CABIN1: variants seen among roughly 807,000 people sequenced by gnomAD.
CABIN1 encodes calcineurin-binding protein cabin-1.
In CABIN1, 133 loss-of-function variants were observed where a neutral mutation model predicts 227.7. The observed-to-expected ratio is 0.58, with a 90% confidence interval of 0.51 to 0.67. The LOEUF (loss-of-function observed/expected upper bound fraction) is 0.67, where lower values mean the gene tolerates loss of function less well. Among genes scored for constraint, CABIN1 ranks in the 30% least tolerant of loss-of-function variants. CABIN1 has a pLI of 0.00. For missense variants in CABIN1, 2,408 were observed against 2,852.5 expected, an observed-to-expected ratio of 0.84 and a Z score of 3.55; for synonymous variants, 1,086 against 1,155.1, an observed-to-expected ratio of 0.94 and a Z score of 1.21.
chr22:24,077,491 C>T (rs1025886879), intron 19 of CABIN1, among the ~76,000 whole-genome samples: 2 of 152,218 alleles, frequency 1.3e-5, no homozygotes, highest in African/African-American at 2.4e-5. Context: ...GCCCAGGTCC[C>T]TGTTGCTGGT....
At chr22:24,155,995 C>T in intron 29 of CABIN1, 1 of 567,882 alleles carries the variant, frequency 1.8e-6, no homozygotes, top group Non-Finnish European at 3.1e-6. Context: ...CCGCCGCGAG[C>T]GAGAGAGCGA....
chr22:24,124,134 G>A (rs369776330), intron 28 of CABIN1, among the ~76,000 whole-genome samples: 9 of 152,248 alleles, frequency 5.9e-5, no homozygotes, highest in Non-Finnish European at 1.0e-4. Context: ...TCCTCGCTCC[G>A]CATGGGAACT....
At position 24,123,213 on chromosome 22, in the gene CABIN1, C is replaced by G. The variant is rs548538824; in HGVS notation, c.4632+3515C>G. The stretch of plus-strand genomic sequence containing the variant: ...TTGATGTCAGTATCCCCAGACAACC[C>G]CCAGTAGCCATTAGCCTCAGTTTCT... On this transcript the variant is annotated intron_variant, in intron 28 of 36. Coordinates refer to ENST00000263119, the MANE Select transcript of CABIN1 (RefSeq NM_012295.4). Among the ~76,000 whole-genome samples the G allele has an allele frequency of 2.6e-5, 4 of 152,262 alleles. No individual in the cohort carries two copies. The South Asian group carries it at 6.2e-4, about 24-fold the overall frequency.
Position 24,113,710 on chromosome 22 carries a change from C to G in CABIN1, c.4262C>G (p.Ala1421Gly). 3 of 1,613,938 alleles carry G rather than the reference C, an allele frequency of 1.9e-6. No individual in the cohort carries two copies. The highest frequency in any genetic ancestry group is 2.5e-6 in the Non-Finnish European group (3 of 1,180,036). Residue 1421 changes from alanine (A) to glycine (G), a missense_variant, in exon 27 of 37, where the codon GCG (alanine) becomes GGG (glycine). Ala to Gly is a moderately conservative substitution (Grantham distance 60). Around this residue, in one of 3 missense-constraint regions of CABIN1, gnomAD observed 649 missense variants for 910.3 expected, o/e 0.71. Coordinates refer to ENST00000263119, the MANE Select transcript of CABIN1 (RefSeq NM_012295.4). ...RLPILSSQAGATGKDLQGATE... is the reference protein window; with the variant it reads ...RLPILSSQAGGTGKDLQGATE... Reference sequence around the variant, plus strand: ...CCCATTCTCAGTTCCCAAGCAGGAGCGACGGGTAAAGATCTTCAGGGGGCC... The same window carrying G: ...CCCATTCTCAGTTCCCAAGCAGGAGGGACGGGTAAAGATCTTCAGGGGGCC...
intron 30 of CABIN1, 100 bp downstream of exon 30, chr22:24,164,663 C>A: frequency 7.3e-7 from 1 of 1,362,426 alleles, no homozygotes; most frequent in Non-Finnish European, 1.0e-6. Flanking sequence ...GCTGTGAGGA[C>A]CACTGGCTGG....
chr22:24,168,326 G>A (rs996957922), intron 32 of CABIN1, 121 bp from the exon 33 acceptor site: 121 of 921,586 alleles, frequency 1.3e-4, no homozygotes, highest in Non-Finnish European at 1.1e-4. Flanking sequence ...GTGTTGGGGG[G>A]CACCCGAGCC....
intron 8 of CABIN1, 124 bp from the exon 9 acceptor site, chr22:24,054,749 C>A: frequency 8.4e-7 from 1 of 1,185,574 alleles, no homozygotes; most frequent in South Asian, 1.2e-5. Flanking sequence ...CCTCCCCCAC[C>A]CCCATGGACA....
At position 24,040,732 on chromosome 22, in the gene CABIN1, G is replaced by A. The variant is rs563687423; in HGVS notation, c.211-407G>A. 6.6e-5 allele frequency among the ~76,000 whole-genome samples: 10 copies of A among 152,326 alleles called. No individual in the cohort carries two copies. The South Asian group carries it at 2.1e-3, about 32-fold the overall frequency. On this transcript the variant is annotated intron_variant, in intron 4 of 36. Transcript: ENST00000263119. ...CAGTCTCTTGATTCCTAATCCTGGA[G>A]TGCCTGCAGTGAAGCTCTAGGCCTT...
At chr22:24,120,743 G>A (rs1167355251) in intron 28 of CABIN1, among the ~76,000 whole-genome samples, 2 of 152,204 alleles carry the variant, frequency 1.3e-5, no homozygotes, top group Non-Finnish European at 2.9e-5. Flanking sequence ...AACCCGGGAG[G>A]CAGAGGTTGC....
intron 1 of CABIN1, among the ~76,000 whole-genome samples, chr22:24,014,348 T>G (rs959573374): frequency 2.6e-5 from 4 of 152,228 alleles, no homozygotes; most frequent in African/African-American, 9.6e-5. Flanking sequence ...TTTTGTTGCT[T>G]ACTGTTCCAG....
intron 19 of CABIN1, among the ~76,000 whole-genome samples, chr22:24,081,926 C>T (rs140081342): frequency 0.012 from 1,866 of 152,172 alleles, 35 homozygotes; most frequent in African/African-American, 0.043. Context: ...ACTTGGGAGG[C>T]TGAGACAGGA....
At chr22:24,155,186 C>G (rs1332012646) in intron 29 of CABIN1, among the ~76,000 whole-genome samples, 1 of 152,112 alleles carries the variant, frequency 6.6e-6, no homozygotes, top group African/African-American at 2.4e-5. Context: ...CATGGGAAAT[C>G]AGGAAGATGC....
At chr22:24,050,797 A>G (rs1353861839) in intron 7 of CABIN1, 28 bp from the exon 8 acceptor site, 5 of 1,614,010 alleles carry the variant, frequency 3.1e-6, no homozygotes, top group Non-Finnish European at 4.2e-6. Flanking sequence ...GTAACATGAT[A>G]ATTTCTCCCT....
intron 31 of CABIN1, among the ~76,000 whole-genome samples, chr22:24,166,390 C>G (rs2046448308): frequency 6.6e-6 from 1 of 152,212 alleles, no homozygotes; most frequent in African/African-American, 2.4e-5. Context: ...TCCCGTCAGC[C>G]CCTTGCTACC....
chr22:24,068,969 A>C (rs1401363768), intron 16 of CABIN1, among the ~76,000 whole-genome samples: 1 of 152,254 alleles, frequency 6.6e-6, no homozygotes, highest in Non-Finnish European at 1.5e-5. Flanking sequence ...GGGGGCAGAC[A>C]AGAGACCCAT....
At chr22:24,173,602 G>A (rs1382583000) in intron 34 of CABIN1, among the ~76,000 whole-genome samples, 4 of 152,212 alleles carry the variant, frequency 2.6e-5, no homozygotes, top group African/African-American at 4.8e-5. Flanking sequence ...GTGGGAGGCC[G>A]AGGTGGGCGG....
At position 24,028,383 on chromosome 22, in the gene CABIN1, C is replaced by T. The variant is rs117139356; in HGVS notation, c.-74-7061C>T. On this transcript the variant is annotated intron_variant, in intron 1 of 36. Transcript: ENST00000263119. ...CAGCTGAGATGAGAATGCTCCTCCT[C>T]GTATGGGAGTGCTACAGTCCATGGT... 2.6e-3 allele frequency among the ~76,000 whole-genome samples: 394 copies of T among 152,304 alleles called. 6 individuals carry two copies. The South Asian group carries it at 0.036, about 14-fold the overall frequency.
chr22:24,077,111 T>C (rs1372433209), intron 19 of CABIN1, among the ~76,000 whole-genome samples: 1 of 152,172 alleles, frequency 6.6e-6, no homozygotes, highest in African/African-American at 2.4e-5. Flanking sequence ...ACGTTTGCCA[T>C]CACCTGCTCT....
At position 24,122,723 on chromosome 22, in the gene CABIN1, A is replaced by G. The variant is rs147531708; in HGVS notation, c.4632+3025A>G. On this transcript the variant is annotated intron_variant, in intron 28 of 36. Coordinates refer to ENST00000263119, the MANE Select transcript of CABIN1 (RefSeq NM_012295.4). ...ACTCCCTCTAAAAAAAAACAAAAAC[A>G]AAAAACCAAAATGCTCCAATGAGCA... Among the ~76,000 whole-genome samples, 355 of 151,528 alleles carry G rather than the reference A, an allele frequency of 2.3e-3. 5 individuals carry two copies. The highest frequency in any genetic ancestry group is 8.3e-3 in the African/African-American group (341 of 41,026).
Sources: allele counts gnomAD v4.1 joint callset (sites outside exome capture counted in the v4.1 genomes callset), GRCh38; gene constraint gnomAD v4.1.1; regional missense constraint gnomAD v4.1.1; transcripts MANE v1.5; gene names NCBI Gene and HGNC (gene_info 2026-07-23, HGNC 2026-07-21).